LYPD6B: variants seen among roughly 807,000 people sequenced by gnomAD.
The protein encoded by LYPD6B is LY6/PLAUR domain containing 6B.
LYPD6B carries 17 observed loss-of-function variants against 22.8 expected under a neutral mutation model. The ratio of observed to expected loss-of-function variants is 0.75; its 90% confidence interval spans 0.51 to 1.12. The LOEUF (loss-of-function observed/expected upper bound fraction) is 1.12, where lower values mean the gene tolerates loss of function less well. LYPD6B is among the 50% of genes most tolerant of loss of function. LYPD6B has a pLI of 0.00. For synonymous variants in LYPD6B, 106 were observed against 91.6 expected (o/e 1.16, Z -0.90); for missense variants, 221 against 258.3 (o/e 0.86, Z 0.99).
At chr2:149,197,615 G>A (rs537135214) in intron 3 of LYPD6B, among the ~76,000 whole-genome samples, 1 of 152,306 alleles carries the variant, frequency 6.6e-6, no homozygotes, top group Non-Finnish European at 1.5e-5. Flanking sequence ...ATTGTAGCTG[G>A]TATGACTCAT....
At chr2:149,089,451 A>G (rs915786987) in intron 1 of LYPD6B, among the ~76,000 whole-genome samples, 3 of 152,158 alleles carry the variant, frequency 2.0e-5, no homozygotes, top group Non-Finnish European at 2.9e-5. Flanking sequence ...ACTCTATCTC[A>G]TAGCTAAGCT....
At chr2:149,079,200 A>G (rs1685012257) in intron 1 of LYPD6B, among the ~76,000 whole-genome samples, 1 of 152,032 alleles carries the variant, frequency 6.6e-6, no homozygotes, top group Admixed American at 6.6e-5. Flanking sequence ...CCAAGGGTCT[A>G]ACTTTGGACT....
Position 149,214,805 on chromosome 2 carries a change from C to A in LYPD6B, c.*95C>A. The A allele has an allele frequency of 7.4e-7, 1 of 1,355,802 alleles. No individual in the cohort carries two copies. The highest frequency in any genetic ancestry group is 1.0e-6 in the Non-Finnish European group (1 of 956,896). 84.0% of individuals were successfully genotyped at this position (1,355,802 alleles called of 1,614,324 possible). A position where few individuals can be genotyped will look rare whatever the true frequency, so the allele number is the denominator to read the frequency against. On this transcript the variant is annotated 3_prime_UTR_variant, in exon 7 of 7. Transcript: ENST00000409642. ...CTTTGGAGTGAAGATCAATCTTGCA[C>A]TTGGTGAAGAGTGCACATTGGACCT...
chr2:149,105,185 C>T (rs1574975038), intron 1 of LYPD6B, among the ~76,000 whole-genome samples: 1 of 152,138 alleles, frequency 6.6e-6, no homozygotes, highest in East Asian at 1.9e-4. Flanking sequence ...ATGTCTATTT[C>T]TTGACCCTAT....
chr2:149,169,971 C>T (rs996348335), intron 3 of LYPD6B, among the ~76,000 whole-genome samples: 5 of 152,136 alleles, frequency 3.3e-5, no homozygotes, highest in African/African-American at 1.2e-4. Context: ...GAGTCTAGGG[C>T]CAAGGTTTCT....
chr2:149,160,764 G>T lies in LYPD6B; in HGVS notation c.6G>T (p.Leu2Phe). ...CCTTATCTTTTTTTATCTCTGGTAGGCTGATTACTCTGAGTGCAAACCTTT... is the reference window on the plus strand; with the variant it reads ...CCTTATCTTTTTTTATCTCTGGTAGTCTGATTACTCTGAGTGCAAACCTTT... M[L>F]LITLSANLFT... The change falls in exon 3 of 7, where the codon TTG becomes TTT. Residue 2 changes from leucine to phenylalanine, a missense_variant and splice_region_variant. Physicochemically the swap from Leu to Phe is conservative, Grantham distance 22. Transcript: ENST00000409642. 6.4e-7 allele frequency: 1 copy of T among 1,552,220 alleles called. No homozygotes were observed. Among genetic ancestry groups the T allele is most frequent in the Non-Finnish European group, 8.7e-7 (1 of 1,146,016 alleles).
chr2:149,185,570 G>T (rs1367091097), intron 3 of LYPD6B, among the ~76,000 whole-genome samples: 4 of 152,212 alleles, frequency 2.6e-5, no homozygotes, highest in African/African-American at 9.7e-5. Context: ...TCAGTTTGGG[G>T]TTGGCAGAAA....
chr2:149,112,582 T>A (rs1180805134), intron 1 of LYPD6B, among the ~76,000 whole-genome samples: 2 of 152,260 alleles, frequency 1.3e-5, no homozygotes, highest in Admixed American at 1.3e-4. Context: ...TCCCTTAATG[T>A]CTCTCACCCT....
At chr2:149,077,009 G>T (rs933040275) in intron 1 of LYPD6B, among the ~76,000 whole-genome samples, 1 of 152,144 alleles carries the variant, frequency 6.6e-6, no homozygotes, top group Non-Finnish European at 1.5e-5. Flanking sequence ...TAGGTGCAGG[G>T]TTTGTAGCCC....
chr2:149,080,841 CAAAAAAAAAAAAA>C (rs35803068), intron 1 of LYPD6B, among the ~76,000 whole-genome samples: 1 of 46,228 alleles, frequency 2.2e-5, no homozygotes, highest in Non-Finnish European at 3.7e-5. Context: ...GACTCTATCT[CAAAAAAAAAAAAA>C]AAAAAAAAAA....
intron 3 of LYPD6B, among the ~76,000 whole-genome samples, chr2:149,174,825 T>C (rs1394537170): frequency 6.6e-5 from 10 of 151,922 alleles, no homozygotes; most frequent in African/African-American, 2.2e-4. Context: ...AGGAAGAATA[T>C]GGATACTGGG....
chr2:149,102,703 C>T (rs1273578393), intron 1 of LYPD6B, among the ~76,000 whole-genome samples: 1 of 152,174 alleles, frequency 6.6e-6, no homozygotes, highest in Non-Finnish European at 1.5e-5. Flanking sequence ...GATCTCAGCT[C>T]ACTGCAACCT....
intron 1 of LYPD6B, among the ~76,000 whole-genome samples, chr2:149,106,744 AT>A (rs1213353881): frequency 6.6e-6 from 1 of 151,666 alleles, no homozygotes; most frequent in African/African-American, 2.4e-5. Flanking sequence ...GGTTTTGTTT[AT>A]TTTCTCTATT....
At chr2:149,190,971 C>G (rs1409921754) in intron 3 of LYPD6B, among the ~76,000 whole-genome samples, 1 of 152,006 alleles carries the variant, frequency 6.6e-6, no homozygotes, top group Non-Finnish European at 1.5e-5. Context: ...AGACCTTTCC[C>G]TACTCCAAGA....
intron 1 of LYPD6B, among the ~76,000 whole-genome samples, chr2:149,126,394 G>A (rs1017493830): frequency 6.6e-6 from 1 of 152,128 alleles, no homozygotes; most frequent in Non-Finnish European, 1.5e-5. Context: ...AACAGTCAAT[G>A]CATACTTATT....
intron 5 of LYPD6B, among the ~76,000 whole-genome samples, chr2:149,210,555 G>A (rs1257836857): frequency 1.3e-5 from 2 of 152,168 alleles, no homozygotes; most frequent in South Asian, 2.1e-4. Context: ...ATAGGCCTAC[G>A]GCTATTGTTC....
intron 3 of LYPD6B, among the ~76,000 whole-genome samples, chr2:149,193,560 C>T (rs1862887): frequency 0.83 from 126,423 of 151,964 alleles, 54,222 homozygotes; most frequent in South Asian, 0.97. Flanking sequence ...AAGGTGGGTA[C>T]GAGTAAATTT....
At chr2:149,146,768 G>A (rs565477688) in intron 2 of LYPD6B, among the ~76,000 whole-genome samples, 7 of 151,804 alleles carry the variant, frequency 4.6e-5, no homozygotes, top group African/African-American at 1.2e-4. Flanking sequence ...GGAGAATTCC[G>A]ATAGTAACAA....
intron 3 of LYPD6B, among the ~76,000 whole-genome samples, chr2:149,198,150 C>T (rs1243717232): frequency 6.6e-6 from 1 of 151,974 alleles, no homozygotes; most frequent in Non-Finnish European, 1.5e-5. Flanking sequence ...TCAAGTGATT[C>T]TCCTGCCTCA....
Sources: gnomAD v4.1 joint callset for allele counts (sites outside exome capture counted in the v4.1 genomes callset) on GRCh38, gnomAD v4.1.1 for gene constraint, MANE v1.5 for transcripts, NCBI Gene and HGNC (gene_info 2026-07-23, HGNC 2026-07-21) for gene names.